SLC13A3: variants seen among roughly 807,000 people sequenced by gnomAD.
SLC13A3 encodes Na(+)/dicarboxylate cotransporter 3.
In SLC13A3, 40 loss-of-function variants were observed where a neutral mutation model predicts 59.0. That is an observed-to-expected ratio of 0.68 (90% confidence interval 0.53 to 0.88). SLC13A3 has a LOEUF of 0.88. SLC13A3 is among the 40% of genes least tolerant of loss of function. SLC13A3 has a pLI of 0.00. For missense variants in SLC13A3, 699 were observed against 783.2 expected (o/e 0.89, Z 1.28); for synonymous variants, 317 against 330.3 (o/e 0.96, Z 0.44).
chr20:46,651,935 C>T (rs190372005), upstream of SLC13A3, among the ~76,000 whole-genome samples: 11 of 152,218 alleles, frequency 7.2e-5, no homozygotes, highest in Non-Finnish European at 1.5e-4. Flanking sequence ...ATGTTTTTTG[C>T]GGGAACATGG....
chr20:46,630,790 G>A (rs2062728680), intron 1 of SLC13A3, among the ~76,000 whole-genome samples: 1 of 152,118 alleles, frequency 6.6e-6, no homozygotes, highest in Admixed American at 6.6e-5. Context: ...AAACAATATG[G>A]GATTTGGAAT....
At chr20:46,573,750 G>A (rs781628841) in intron 10 of SLC13A3, among the ~76,000 whole-genome samples, 6 of 152,214 alleles carry the variant, frequency 3.9e-5, no homozygotes, top group African/African-American at 1.2e-4. Context: ...CCTGCCTGAC[G>A]TGTCCCAGCA....
chr20:46,665,543 CA>C (rs1210943122), intron 1 of SLC13A3, among the ~76,000 whole-genome samples: 3 of 152,194 alleles, frequency 2.0e-5, no homozygotes, highest in African/African-American at 7.2e-5. Context: ...ATAATGCTTT[CA>C]AGATTCATCT....
chr20:46,674,289 G>T (rs560739684), upstream of SLC13A3, among the ~76,000 whole-genome samples: 4 of 152,158 alleles, frequency 2.6e-5, no homozygotes, highest in Admixed American at 2.0e-4. Flanking sequence ...CTGGAGGGGG[G>T]ATTAGTTCCC....
chr20:46,640,656 G>A (rs1312879688), intron 1 of SLC13A3, among the ~76,000 whole-genome samples: 1 of 152,194 alleles, frequency 6.6e-6, no homozygotes, highest in Non-Finnish European at 1.5e-5. Context: ...TCAGGGGAGG[G>A]AAATCACTTG....
intron 8 of SLC13A3, chr20:46,583,954 C>A (rs2062165772): frequency 1.0e-6 from 1 of 985,264 alleles, no homozygotes; most frequent in Non-Finnish European, 1.2e-6. Flanking sequence ...AGGGGAGAAT[C>A]CGAGGGCCGC....
chr20:46,677,058 C>T (rs2063130339), intron 1 of SLC13A3, among the ~76,000 whole-genome samples: 1 of 152,156 alleles, frequency 6.6e-6, no homozygotes, highest in Non-Finnish European at 1.5e-5. Flanking sequence ...GGATTACAGG[C>T]GCCCACCATC....
chr20:46,600,942 C>T (rs1239556140), intron 3 of SLC13A3, among the ~76,000 whole-genome samples: 3 of 152,234 alleles, frequency 2.0e-5, no homozygotes, highest in South Asian at 2.1e-4. Context: ...CTGATGGCCT[C>T]GGGTCTGAGA....
chr20:46,679,495 T>C (rs1020706355), intron 1 of SLC13A3, among the ~76,000 whole-genome samples: 8 of 152,050 alleles, frequency 5.3e-5, no homozygotes, highest in Admixed American at 5.2e-4. Flanking sequence ...GCGCCTGTAG[T>C]CCCAGCTACT....
At chr20:46,578,131 C>T (rs1568916440) in intron 9 of SLC13A3, among the ~76,000 whole-genome samples, 2 of 151,668 alleles carry the variant, frequency 1.3e-5, no homozygotes, top group Non-Finnish European at 2.9e-5. Context: ...GGGGTTTCAC[C>T]GTGTTCTCCA....
chr20:46,584,568 T>C (rs1326575358), intron 8 of SLC13A3: 5 of 841,386 alleles, frequency 5.9e-6, no homozygotes, highest in Non-Finnish European at 7.2e-6. Flanking sequence ...TCAATATCAC[T>C]ATCATCAGAG....
chr20:46,600,522 C>T, intron 3 of SLC13A3: 1 of 370,004 alleles, frequency 2.7e-6, no homozygotes, highest in South Asian at 2.1e-5. Context: ...AAGATGTGCC[C>T]AGGCCTGTTG....
rs191718905 is a variant in SLC13A3 at position 46,635,574 on chromosome 20, C to T, written c.111+15737G>A. On this transcript the variant is annotated intron_variant, in intron 1 of 12. Coordinates refer to ENST00000279027, the MANE Select transcript of SLC13A3 (RefSeq NM_022829.6). Reference sequence around the variant, plus strand: ...AATTGCACTACTCTCATCCCCAACTCCCTCCCTACCCTGCTTTTGTTCTCC... The same window carrying T: ...AATTGCACTACTCTCATCCCCAACTTCCTCCCTACCCTGCTTTTGTTCTCC... Among the ~76,000 whole-genome samples the T allele has an allele frequency of 3.3e-5, 5 of 152,324 alleles. No individual in the cohort carries two copies. In the East Asian group the frequency reaches 9.6e-4, roughly 29 times the overall value.
At chr20:46,563,008 C>T (rs2061944185) in intron 12 of SLC13A3, among the ~76,000 whole-genome samples, 1 of 152,150 alleles carries the variant, frequency 6.6e-6, no homozygotes, top group African/African-American at 2.4e-5. Context: ...AATGGCTGGG[C>T]CCTGCTGAAA....
intron 10 of SLC13A3, 74 bp from the exon 11 acceptor site, chr20:46,566,464 A>G (rs1245438386): frequency 6.6e-7 from 1 of 1,507,930 alleles, no homozygotes; most frequent in Non-Finnish European, 9.0e-7. Flanking sequence ...GTTAGGATAG[A>G]TCACAACAAT....
intron 1 of SLC13A3, among the ~76,000 whole-genome samples, chr20:46,624,049 C>T (rs941377484): frequency 4.6e-5 from 7 of 152,152 alleles, no homozygotes; most frequent in African/African-American, 1.7e-4. Flanking sequence ...CCAAGAGAAC[C>T]TCTCTCAAGC....
At chr20:46,586,098 A>T (rs1255170729) in intron 8 of SLC13A3, among the ~76,000 whole-genome samples, 1 of 152,254 alleles carries the variant, frequency 6.6e-6, no homozygotes, top group Admixed American at 6.5e-5. Flanking sequence ...AAAATATATT[A>T]TTCATATTAG....
intron 10 of SLC13A3, among the ~76,000 whole-genome samples, chr20:46,568,994 A>G (rs447345): frequency 0.24 from 36,631 of 151,902 alleles, 4,745 homozygotes; most frequent in East Asian, 0.34. Flanking sequence ...TATTTTATTT[A>G]TTTTTTTGAG....
chr20:46,683,202 C>T (rs375950523), intron 1 of SLC13A3, among the ~76,000 whole-genome samples: 3 of 152,092 alleles, frequency 2.0e-5, no homozygotes, highest in Admixed American at 2.0e-4. Context: ...GAGTCCTCGG[C>T]GGAATTTCCC....
Sources: gnomAD v4.1 joint callset for allele counts (sites outside exome capture counted in the v4.1 genomes callset) on GRCh38, gnomAD v4.1.1 for gene constraint, MANE v1.5 for transcripts, NCBI Gene and HGNC (gene_info 2026-07-23, HGNC 2026-07-21) for gene names.